Variants in MARS1 observed in about 807,000 individuals in gnomAD.
The protein encoded by MARS1 is methionine--tRNA ligase, cytoplasmic.
Under a neutral mutation model 119.5 loss-of-function variants are expected in MARS1, and 80 were observed. That is an observed-to-expected ratio of 0.67 (90% confidence interval 0.56 to 0.81). The LOEUF (loss-of-function observed/expected upper bound fraction) is 0.81, where lower values mean the gene tolerates loss of function less well. Among genes scored for constraint, MARS1 ranks in the 30% least tolerant of loss-of-function variants. MARS1 has a pLI of 0.00. For synonymous variants in MARS1, 418 were observed against 433.4 expected (o/e 0.96, Z 0.44); for missense variants, 945 against 1,116.5 (o/e 0.85, Z 2.19).
rs1056496791 is a variant in MARS1 at position 57,515,337 on chromosome 12, G to C, written c.2391+1G>C. ...ACCAGCAGGACACCAGATTGGCACA[G>C]TAGGTGGAAGAGCCAGCCTCTCTTA... On this transcript the variant is annotated splice_donor_variant, in intron 18 of 20. Transcript: ENST00000262027. LOFTEE classifies it high-confidence loss of function. The C allele has an allele frequency of 3.7e-6, 6 of 1,611,680 alleles. No homozygotes were observed. The highest frequency in any genetic ancestry group is 1.3e-5 in the African/African-American group (1 of 74,928).
At position 57,516,423 on chromosome 12, in the gene MARS1, C is replaced by G. The variant is rs189933911; in HGVS notation, c.2557-12C>G. On this transcript the variant is annotated splice_polypyrimidine_tract_variant and intron_variant, in intron 20 of 20. Transcript: ENST00000262027. The stretch of plus-strand genomic sequence containing the variant: ...TGCCTCACTGTTACCTCCCCACCCC[C>G]CTTTATCTTAGGGAAACATTGTCCG... 135 of 1,613,046 alleles carry G rather than the reference C, an allele frequency of 8.4e-5. No individual in the cohort carries two copies. The Admixed American group carries it at 1.8e-3, about 22-fold the overall frequency.
intron 14 of MARS1, 156 bp from the exon 15 acceptor site, chr12:57,512,595 G>T: frequency 1.5e-6 from 1 of 670,992 alleles, no homozygotes; most frequent in Non-Finnish European, 2.6e-6. Context: ...GATAGGAAGG[G>T]ACTCCCAAAA....
intron 7 of MARS1, 78 bp from the exon 8 acceptor site, chr12:57,498,079 C>G: frequency 1.2e-6 from 1 of 868,942 alleles, no homozygotes; most frequent in Non-Finnish European, 1.9e-6. Flanking sequence ...AATCTGTGTC[C>G]GGGTGTTCTG....
intron 11 of MARS1, among the ~76,000 whole-genome samples, chr12:57,506,894 C>T (rs1351209532): frequency 2.8e-5 from 4 of 144,364 alleles, no homozygotes; most frequent in South Asian, 2.2e-4. Flanking sequence ...GGGTGTTTCT[C>T]GCAGAGGGGG....
At position 57,498,534 on chromosome 12, in the gene MARS1, C is replaced by T; in HGVS notation, c.1002C>T (p.Asp334=). Residue 334 remains aspartate (D), a synonymous_variant, in exon 9 of 21, where the codon GAC becomes GAT. Transcript: ENST00000262027. ...GACTAACCCCCCAGGAGATCTGCGA[C>T]AAGTACCACATCATCCATGCTGACA... The part of the protein sequence containing the change: ...EEGLTPQEIC[D]KYHIIHADIY... 6.2e-7 allele frequency: 1 copy of T among 1,614,212 alleles called. No homozygotes were observed. Among genetic ancestry groups the T allele is most frequent in the African/African-American group, 1.3e-5 (1 of 75,052 alleles).
intron 11 of MARS1, among the ~76,000 whole-genome samples, chr12:57,510,238 C>T (rs1022787706): frequency 5.3e-5 from 8 of 152,162 alleles, no homozygotes; most frequent in Admixed American, 2.6e-4. Flanking sequence ...GTTTGGGAGG[C>T]CAAGGCAGGC....
At chr12:57,499,919 C>A (rs547186622) in intron 9 of MARS1, among the ~76,000 whole-genome samples, 1 of 152,152 alleles carries the variant, frequency 6.6e-6, no homozygotes, top group East Asian at 1.9e-4. Context: ...AAAAAACCCC[C>A]AAAACTTTAC....
chr12:57,488,715 T>C, intron 1 of MARS1: 1 of 1,440,686 alleles, frequency 6.9e-7, no homozygotes, highest in South Asian at 1.2e-5. Context: ...CTTCAGATAA[T>C]TATGAAGATA....
At chr12:57,493,365 G>A (rs1333249621) in intron 7 of MARS1, among the ~76,000 whole-genome samples, 1 of 73,748 alleles carries the variant, frequency 1.4e-5, no homozygotes, top group African/African-American at 6.2e-5. Context: ...TATATGATAT[G>A]TATAATATAT....
At chr12:57,492,429 G>C (rs774868590) in intron 7 of MARS1, among the ~76,000 whole-genome samples, 56 of 151,984 alleles carry the variant, frequency 3.7e-4, no homozygotes, top group Non-Finnish European at 6.6e-4. Flanking sequence ...CTAGCACTTT[G>C]GGAGGCCAAG....
intron 7 of MARS1, among the ~76,000 whole-genome samples, chr12:57,496,283 C>T (rs918423659): frequency 6.6e-6 from 1 of 151,564 alleles, no homozygotes; most frequent in African/African-American, 2.4e-5. Context: ...CCTGTCTCAG[C>T]CCCCCGAGTA....
chr12:57,515,584 G>A (rs1877762517), intron 18 of MARS1: 1 of 581,210 alleles, frequency 1.7e-6, no homozygotes, highest in Non-Finnish European at 3.0e-6. Context: ...GAAACACTGT[G>A]ATCACCTAGT....
At chr12:57,508,699 A>AGGTAGAGAGTAGAG (rs1555167931) in intron 11 of MARS1, among the ~76,000 whole-genome samples, 1 of 145,656 alleles carries the variant, frequency 6.9e-6, no homozygotes, top group African/African-American at 2.6e-5. Context: ...GTAGAGGTAG[A>AGGTAGAGAGTAGAG]GGTAGAGGGT....
intron 10 of MARS1, 77 bp downstream of exon 10, chr12:57,500,599 G>C: frequency 7.0e-7 from 1 of 1,419,606 alleles, no homozygotes; most frequent in Non-Finnish European, 9.7e-7. Flanking sequence ...GTCCCATTTA[G>C]GATTTTTATT....
chr12:57,516,509 G>A lies in MARS1; in HGVS notation c.2631G>A (p.Leu877=). The change falls in exon 21 of 21, where the codon TTG becomes TTA. Residue 877 remains leucine (L), a synonymous_variant. Transcript: ENST00000262027. ...TTGCTGCGGAGGTGGCGAAACTCTT[G>A]GATCTAAAGAAACAGTTGGCTGTAG... The part of the protein sequence containing the change: ...NEVAAEVAKL[L]DLKKQLAVAE... 1 of 1,613,398 alleles carries A rather than the reference G, an allele frequency of 6.2e-7. No individual in the cohort carries two copies. Among genetic ancestry groups the A allele is most frequent in the Non-Finnish European group, 8.5e-7 (1 of 1,179,804 alleles).
chr12:57,516,524 G>A lies in MARS1; in HGVS notation c.2646G>A (p.Gln882=). 6.2e-7 allele frequency: 1 copy of A among 1,612,738 alleles called. No individual in the cohort carries two copies. Among genetic ancestry groups the A allele is most frequent in the Non-Finnish European group, 8.5e-7 (1 of 1,179,600 alleles). The part of the protein sequence containing the change: ...EVAKLLDLKK[Q]LAVAEGKPPE... ...CGAAACTCTTGGATCTAAAGAAACA[G>A]TTGGCTGTAGCTGAGGGGAAACCCC... Residue 882 remains glutamine, a synonymous_variant, in exon 21 of 21, where the codon CAG becomes CAA. Transcript: ENST00000262027.
intron 11 of MARS1, among the ~76,000 whole-genome samples, chr12:57,508,533 C>T (rs973069647): frequency 1.1e-4 from 17 of 152,360 alleles, no homozygotes; most frequent in Middle Eastern, 3.4e-3. Flanking sequence ...TGGCGGCACG[C>T]GCCCGCAATC....
intron 11 of MARS1, among the ~76,000 whole-genome samples, chr12:57,510,718 G>A (rs1877470115): frequency 6.6e-6 from 1 of 151,830 alleles, no homozygotes; most frequent in Non-Finnish European, 1.5e-5. Context: ...ATCGCTGGAA[G>A]CCAGGAGTTT....
chr12:57,507,287 A>G (rs78377626), intron 11 of MARS1, among the ~76,000 whole-genome samples: 26,514 of 148,262 alleles, frequency 0.18, 2,537 homozygotes, highest in East Asian at 0.29. Flanking sequence ...CGATTTCTCA[A>G]TCTTTTCCCC....
Sources: allele counts gnomAD v4.1 joint callset (sites outside exome capture counted in the v4.1 genomes callset), GRCh38; gene constraint gnomAD v4.1.1; transcripts MANE v1.5; gene names NCBI Gene and HGNC (gene_info 2026-07-23, HGNC 2026-07-21).